NAALADL2: variants seen among roughly 807,000 people sequenced by gnomAD.
The protein encoded by NAALADL2 is inactive N-acetylated-alpha-linked acidic dipeptidase-like protein 2.
NAALADL2 carries 76 observed loss-of-function variants against 87.2 expected under a neutral mutation model. That is an observed-to-expected ratio of 0.87 (90% confidence interval 0.72 to 1.05). The LOEUF (loss-of-function observed/expected upper bound fraction) is 1.05. Ranked by LOEUF, NAALADL2 falls within the 50% of genes least tolerant of loss-of-function variation. NAALADL2 has a pLI of 0.00. For missense variants in NAALADL2, 1,089 were observed against 945.8 expected, an observed-to-expected ratio of 1.15 and a Z score of -1.99; for synonymous variants, 354 against 331.0, an observed-to-expected ratio of 1.07 and a Z score of -0.75.
intron 13 of NAALADL2, among the ~76,000 whole-genome samples, chr3:175,763,340 A>T (rs1383124754): frequency 6.6e-6 from 1 of 152,112 alleles, no homozygotes; most frequent in Non-Finnish European, 1.5e-5. Context: ...TTGAAATTTA[A>T]TATCTTTTAA....
At chr3:174,834,611 C>G (rs1489510955) in intron 3 of NAALADL2, among the ~76,000 whole-genome samples, 2 of 151,812 alleles carry the variant, frequency 1.3e-5, no homozygotes, top group African/African-American at 4.8e-5. Context: ...TCACAAGATT[C>G]AAGTTTAATA....
At chr3:175,224,039 G>C (rs536135932) in intron 2 of NAALADL2, among the ~76,000 whole-genome samples, 1 of 152,262 alleles carries the variant, frequency 6.6e-6, no homozygotes, top group South Asian at 2.1e-4. Flanking sequence ...TGAAGAGAAG[G>C]TGAAGGTTAA....
At chr3:174,983,139 C>G (rs1459868780) in intron 1 of NAALADL2, among the ~76,000 whole-genome samples, 1 of 151,980 alleles carries the variant, frequency 6.6e-6, no homozygotes, top group Non-Finnish European at 1.5e-5. Flanking sequence ...AGGAGGCCCA[C>G]CATCCTACAC....
chr3:174,673,015 G>A (rs2099851806), intron 2 of NAALADL2, among the ~76,000 whole-genome samples: 1 of 152,028 alleles, frequency 6.6e-6, no homozygotes, highest in South Asian at 2.1e-4. Context: ...TTTGGCTGCG[G>A]TGTTGATTAA....
At chr3:174,706,408 T>A in intron 2 of NAALADL2, among the ~76,000 whole-genome samples, 1 of 152,230 alleles carries the variant, frequency 6.6e-6, no homozygotes, top group East Asian at 1.9e-4. Context: ...AGTGGTTTCC[T>A]AAATTTGATA....
intron 3 of NAALADL2, among the ~76,000 whole-genome samples, chr3:174,848,737 G>A (rs1724911413): frequency 6.6e-6 from 1 of 152,116 alleles, no homozygotes; most frequent in African/African-American, 2.4e-5. Flanking sequence ...ACTTAATAAT[G>A]GGGATACATT....
intron 3 of NAALADL2, among the ~76,000 whole-genome samples, chr3:174,774,751 A>G (rs1715006304): frequency 1.3e-5 from 2 of 152,236 alleles, no homozygotes; most frequent in Admixed American, 6.5e-5. Flanking sequence ...CAAATACAGT[A>G]GATTCTGAAC....
chr3:174,614,976 A>G (rs1720310431), intron 2 of NAALADL2, among the ~76,000 whole-genome samples: 1 of 152,226 alleles, frequency 6.6e-6, no homozygotes, highest in South Asian at 2.1e-4. Context: ...GCCAACAATT[A>G]GAAACCTAAA....
intron 10 of NAALADL2, among the ~76,000 whole-genome samples, chr3:175,619,045 G>A (rs1135207): frequency 0.73 from 111,421 of 151,924 alleles, 41,659 homozygotes; most frequent in East Asian, 0.88. Context: ...AATAGAATCT[G>A]GGACAAAAAG....
In NAALADL2 at chr3:174,527,687, TC is replaced by T. The variant is rs199996354; in HGVS notation, c.-183-22881del. Reference sequence around the variant, plus strand: ...TGTCTAGTTGGGAAAGTCTAAAGAATCTGTCTAATGGAGGCAGAAATTTACA... The same window carrying T: ...TGTCTAGTTGGGAAAGTCTAAAGAATTGTCTAATGGAGGCAGAAATTTACA... On this transcript the variant is annotated intron_variant, in intron 1 of 3. Coordinates refer to the NAALADL2 transcript ENST00000434257. 2.2e-3 allele frequency among the ~76,000 whole-genome samples: 338 copies of T among 152,224 alleles called. 2 individuals are homozygous for T. The highest frequency in any genetic ancestry group is 8.0e-3 in the African/African-American group (331 of 41,534).
At chr3:174,986,293 A>T (rs1171639441) in intron 1 of NAALADL2, among the ~76,000 whole-genome samples, 2 of 148,012 alleles carry the variant, frequency 1.4e-5, no homozygotes, top group Non-Finnish European at 3.0e-5. Context: ...TATACACAAT[A>T]TATATAATAT....
At chr3:175,512,691 A>C (rs920065874) in intron 9 of NAALADL2, among the ~76,000 whole-genome samples, 3 of 152,218 alleles carry the variant, frequency 2.0e-5, no homozygotes, top group Admixed American at 1.3e-4. Context: ...CCGAACTACT[A>C]TACAATTTTC....
chr3:174,725,737 C>T (rs1732120660), intron 2 of NAALADL2, among the ~76,000 whole-genome samples: 1 of 152,110 alleles, frequency 6.6e-6, no homozygotes, highest in Admixed American at 6.6e-5. Flanking sequence ...TGACAACATA[C>T]ATGGTGCCAG....
chr3:174,750,269 C>A (rs1396695511), intron 3 of NAALADL2, among the ~76,000 whole-genome samples: 1 of 152,086 alleles, frequency 6.6e-6, no homozygotes, highest in Non-Finnish European at 1.5e-5. Flanking sequence ...GGGCAAATAT[C>A]GCCAGCCTAT....
At chr3:175,107,159 C>T (rs1723306489) in intron 2 of NAALADL2, among the ~76,000 whole-genome samples, 1 of 151,992 alleles carries the variant, frequency 6.6e-6, no homozygotes, top group South Asian at 2.1e-4. Context: ...TAGGCTAATA[C>T]ATGGTATCAA....
At chr3:175,671,340 T>G (rs192699367) in intron 11 of NAALADL2, among the ~76,000 whole-genome samples, 1 of 151,968 alleles carries the variant, frequency 6.6e-6, no homozygotes. Context: ...AAGAAAAAAG[T>G]TCATGGTTGC....
intron 11 of NAALADL2, among the ~76,000 whole-genome samples, chr3:175,694,440 A>G (rs1432125675): frequency 1.3e-5 from 2 of 152,202 alleles, no homozygotes; most frequent in African/African-American, 2.4e-5. Context: ...TCTAGAGAGT[A>G]GTAGTGAATC....
chr3:174,743,170 A>G (rs181336067), intron 3 of NAALADL2, among the ~76,000 whole-genome samples: 39 of 151,828 alleles, frequency 2.6e-4, no homozygotes, highest in Non-Finnish European at 3.8e-4. Context: ...GTATGTTTAG[A>G]CTTGTTGGAA....
At chr3:174,535,975 G>A (rs1035336275) in intron 1 of NAALADL2, among the ~76,000 whole-genome samples, 12 of 152,046 alleles carry the variant, frequency 7.9e-5, no homozygotes, top group Admixed American at 5.9e-4. Flanking sequence ...GATTGTGATA[G>A]TTTGTAGTTG....
Sources: allele counts gnomAD v4.1 joint callset (sites outside exome capture counted in the v4.1 genomes callset), GRCh38; gene constraint gnomAD v4.1.1; transcripts MANE v1.5; gene names NCBI Gene and HGNC (gene_info 2026-07-23, HGNC 2026-07-21).